SPOCK1: variants seen among roughly 807,000 people sequenced by gnomAD.
SPOCK1 encodes testican-1.
Under a neutral mutation model 55.3 loss-of-function variants are expected in SPOCK1, and 23 were observed. The ratio of observed to expected loss-of-function variants is 0.42; its 90% CI spans 0.30 to 0.59. The LOEUF (loss-of-function observed/expected upper bound fraction) is 0.59, where lower values mean the gene tolerates loss of function less well. Ranked by LOEUF, SPOCK1 falls within the 20% of genes least tolerant of loss-of-function variation. The probability of loss-of-function intolerance (pLI) is 0.22; values close to 1 mark genes in which losing one functional copy is unlikely to be tolerated. For missense variants in SPOCK1, 499 were observed against 552.5 expected, an observed-to-expected ratio of 0.90 and a Z score of 0.97; for synonymous variants, 226 against 221.0, an observed-to-expected ratio of 1.02 and a Z score of -0.20.
At chr5:137,029,651 G>C (rs1751740100) in intron 6 of SPOCK1, among the ~76,000 whole-genome samples, 1 of 152,202 alleles carries the variant, frequency 6.6e-6, no homozygotes, top group Non-Finnish European at 1.5e-5. Context: ...GATCATGCTA[G>C]GGTCATGGCA....
chr5:137,360,129 C>A (rs935110377), intron 2 of SPOCK1, among the ~76,000 whole-genome samples: 2 of 152,236 alleles, frequency 1.3e-5, no homozygotes, highest in South Asian at 4.1e-4. Flanking sequence ...CATAAACATG[C>A]AAGATCCAAC....
chr5:137,466,439 C>T (rs1753625292), intron 2 of SPOCK1, among the ~76,000 whole-genome samples: 1 of 152,182 alleles, frequency 6.6e-6, no homozygotes, highest in Non-Finnish European at 1.5e-5. Flanking sequence ...AACTTACTTG[C>T]ATTGAGTCCT....
At chr5:137,317,080 T>C (rs1480081428) in intron 2 of SPOCK1, among the ~76,000 whole-genome samples, 1 of 152,188 alleles carries the variant, frequency 6.6e-6, no homozygotes. Context: ...GGGCACAACA[T>C]GGATGGTCCT....
intron 3 of SPOCK1, among the ~76,000 whole-genome samples, chr5:137,156,900 G>A (rs563043924): frequency 9.3e-4 from 142 of 152,280 alleles, no homozygotes; most frequent in African/African-American, 2.8e-3. Context: ...CCACAGGTGT[G>A]TGGTGACCAG....
chr5:137,263,257 T>C (rs756611311), intron 3 of SPOCK1, among the ~76,000 whole-genome samples: 65 of 152,226 alleles, frequency 4.3e-4, no homozygotes, highest in Non-Finnish European at 5.3e-4. Flanking sequence ...CTCAGAGTTT[T>C]TTAAGTTGAT....
intron 6 of SPOCK1, among the ~76,000 whole-genome samples, chr5:137,058,374 G>T (rs1486417773): frequency 6.6e-6 from 1 of 152,206 alleles, no homozygotes; most frequent in African/African-American, 2.4e-5. Flanking sequence ...TTGGCTGTTA[G>T]GGGGATTAAA....
chr5:137,477,802 T>A (rs183809576), intron 2 of SPOCK1, among the ~76,000 whole-genome samples: 35 of 152,284 alleles, frequency 2.3e-4, no homozygotes, highest in Middle Eastern at 6.8e-3. Flanking sequence ...TGTAAAAAGC[T>A]GACAAAAGCA....
intron 6 of SPOCK1, among the ~76,000 whole-genome samples, chr5:137,000,524 C>T (rs1751128614): frequency 6.6e-6 from 1 of 152,126 alleles, no homozygotes; most frequent in African/African-American, 2.4e-5. Flanking sequence ...CATGTCCCTC[C>T]TGTCATTCAA....
chr5:137,166,297 C>T (rs1754646828), intron 3 of SPOCK1, among the ~76,000 whole-genome samples: 1 of 151,716 alleles, frequency 6.6e-6, no homozygotes, highest in South Asian at 2.1e-4. Flanking sequence ...AAATTTTTAC[C>T]CTAGAAAAGT....
chr5:137,257,974 T>A (rs1014864472), intron 3 of SPOCK1, among the ~76,000 whole-genome samples: 1 of 152,160 alleles, frequency 6.6e-6, no homozygotes, highest in Non-Finnish European at 1.5e-5. Flanking sequence ...ATTCAATGAT[T>A]AACTGATCAA....
chr5:137,230,775 A>G (rs1451001788), intron 3 of SPOCK1, among the ~76,000 whole-genome samples: 1 of 124,252 alleles, frequency 8.0e-6, no homozygotes, highest in Non-Finnish European at 1.7e-5. Context: ...ATTCATATGC[A>G]GTTGTAAGAA....
chr5:137,378,091 T>C (rs576346529), intron 2 of SPOCK1, among the ~76,000 whole-genome samples: 8 of 152,200 alleles, frequency 5.3e-5, no homozygotes, highest in African/African-American at 1.7e-4. Context: ...ATTACAGGCA[T>C]GCACCACCAC....
At chr5:137,437,594 A>G (rs1752891874) in intron 2 of SPOCK1, among the ~76,000 whole-genome samples, 1 of 152,218 alleles carries the variant, frequency 6.6e-6, no homozygotes, top group Non-Finnish European at 1.5e-5. Flanking sequence ...AACCTTTTTA[A>G]AACAATTTTT....
intron 5 of SPOCK1, among the ~76,000 whole-genome samples, chr5:137,083,960 C>T (rs1317756964): frequency 6.6e-6 from 1 of 151,986 alleles, no homozygotes; most frequent in Non-Finnish European, 1.5e-5. Flanking sequence ...CTCTTGCTTG[C>T]CCACTCCATG....
intron 2 of SPOCK1, among the ~76,000 whole-genome samples, chr5:137,397,804 C>T (rs1751886281): frequency 6.6e-6 from 1 of 152,154 alleles, no homozygotes; most frequent in Non-Finnish European, 1.5e-5. Flanking sequence ...TCAGCTGGCT[C>T]TCACATATTC....
intron 2 of SPOCK1, among the ~76,000 whole-genome samples, chr5:137,453,831 G>T (rs968940147): frequency 6.6e-6 from 1 of 152,138 alleles, no homozygotes; most frequent in Non-Finnish European, 1.5e-5. Flanking sequence ...GGTACAGGGG[G>T]TGCAGAAAAT....
At chr5:137,388,855 T>C (rs1207434237) in intron 2 of SPOCK1, among the ~76,000 whole-genome samples, 1 of 152,166 alleles carries the variant, frequency 6.6e-6, no homozygotes, top group East Asian at 1.9e-4. Context: ...ATCTGAGGGA[T>C]CTTGCCAACA....
intron 2 of SPOCK1, among the ~76,000 whole-genome samples, chr5:137,276,869 C>T (rs1252866462): frequency 3.9e-5 from 6 of 152,240 alleles, no homozygotes; most frequent in African/African-American, 1.4e-4. Flanking sequence ...CCTGAGTCTC[C>T]TCAGGGACCA....
At chr5:137,338,151 T>C (rs1279831096) in intron 2 of SPOCK1, among the ~76,000 whole-genome samples, 3 of 152,148 alleles carry the variant, frequency 2.0e-5, no homozygotes, top group African/African-American at 7.2e-5. Flanking sequence ...GTATATCTCC[T>C]AATGCTATCC....
Sources: gnomAD v4.1 joint callset for allele counts (sites outside exome capture counted in the v4.1 genomes callset) on GRCh38, gnomAD v4.1.1 for gene constraint, MANE v1.5 for transcripts, NCBI Gene and HGNC (gene_info 2026-07-23, HGNC 2026-07-21) for gene names.